C2orf76: variants seen among roughly 807,000 people sequenced by gnomAD.
C2orf76 encodes UPF0538 protein C2orf76.
C2orf76 carries 23 observed loss-of-function variants against 16.9 expected under a neutral mutation model. The ratio of observed to expected loss-of-function variants is 1.36; its 90% CI spans 0.98 to 1.93. The LOEUF (loss-of-function observed/expected upper bound fraction) is 1.93. Ranked by LOEUF, C2orf76 falls within the 30% of genes most tolerant of loss-of-function variation. C2orf76 has a pLI of 0.00. For synonymous variants in C2orf76, 48 were observed against 52.3 expected (o/e 0.92, Z 0.35); for missense variants, 152 against 152.6 (o/e 1.00, Z 0.02).
chr2:119,331,624 A>G (rs74387423), intron 2 of C2orf76, among the ~76,000 whole-genome samples: 3,078 of 152,252 alleles, frequency 0.02, 51 homozygotes, highest in Non-Finnish European at 0.03. Flanking sequence ...TCCTAAACTC[A>G]TGGAACCCAC....
intron 2 of C2orf76, among the ~76,000 whole-genome samples, chr2:119,334,692 G>A (rs1266133772): frequency 3.9e-5 from 5 of 129,648 alleles, no homozygotes; most frequent in Non-Finnish European, 5.1e-5. Context: ...CTCTCTCTCA[G>A]AAAAAAACAA....
At chr2:119,312,892 G>A (rs997311423) in intron 4 of C2orf76, among the ~76,000 whole-genome samples, 1 of 152,130 alleles carries the variant, frequency 6.6e-6, no homozygotes, top group African/African-American at 2.4e-5. Context: ...GCCGGGAGCG[G>A]TGGCAGGTGC....
At chr2:119,361,813 G>A (rs915470600) in intron 1 of C2orf76, among the ~76,000 whole-genome samples, 1 of 151,936 alleles carries the variant, frequency 6.6e-6, no homozygotes, top group Non-Finnish European at 1.5e-5. Context: ...ATAACCGCAC[G>A]TCAATCTATA....
intron 1 of C2orf76, among the ~76,000 whole-genome samples, chr2:119,353,555 TC>T (rs147190037): frequency 1.4e-5 from 2 of 138,186 alleles, no homozygotes; most frequent in African/African-American, 5.8e-5. Flanking sequence ...ACAAGAATTT[TC>T]TTTTTTTTTT....
At chr2:119,360,280 C>T (rs1573693758) in intron 1 of C2orf76, among the ~76,000 whole-genome samples, 1 of 152,062 alleles carries the variant, frequency 6.6e-6, no homozygotes, top group African/African-American at 2.4e-5. Flanking sequence ...AGGAGTTTGA[C>T]CAGCCTGGCC....
At chr2:119,324,511 A>G (rs923922619) in intron 2 of C2orf76, among the ~76,000 whole-genome samples, 14 of 152,322 alleles carry the variant, frequency 9.2e-5, no homozygotes, top group Non-Finnish European at 1.8e-4. Flanking sequence ...AATTATCACA[A>G]ACTGCTTCCA....
At chr2:119,339,778 C>T (rs1393837178) in intron 2 of C2orf76, 49 bp downstream of exon 2, 1 of 1,507,224 alleles carries the variant, frequency 6.6e-7, no homozygotes, top group African/African-American at 1.4e-5. Flanking sequence ...TCATAGTCAG[C>T]TATTTTTAAA....
intron 1 of C2orf76, among the ~76,000 whole-genome samples, chr2:119,341,620 T>C (rs1376485085): frequency 2.6e-5 from 4 of 152,248 alleles, no homozygotes; most frequent in Non-Finnish European, 5.9e-5. Context: ...AAAACGCATT[T>C]GTTTTAAAGA....
intron 1 of C2orf76, among the ~76,000 whole-genome samples, chr2:119,341,598 T>C (rs1680031314): frequency 6.6e-6 from 1 of 152,206 alleles, no homozygotes; most frequent in South Asian, 2.1e-4. Flanking sequence ...ACATTCACTT[T>C]CTGAAGTATC....
intron 1 of C2orf76, among the ~76,000 whole-genome samples, chr2:119,346,490 T>C (rs2104619165): frequency 6.6e-6 from 1 of 152,234 alleles, no homozygotes; most frequent in Non-Finnish European, 1.5e-5. Flanking sequence ...CAGGCAACAA[T>C]CAGGGTGAAT....
intron 4 of C2orf76, among the ~76,000 whole-genome samples, chr2:119,312,997 C>T (rs113593782): frequency 3.3e-4 from 50 of 149,784 alleles, no homozygotes; most frequent in African/African-American, 1.1e-3. Flanking sequence ...TACTGCGCTC[C>T]AGCCTGGGCG....
downstream of C2orf76, among the ~76,000 whole-genome samples, chr2:119,301,918 T>TAA (rs34452099): frequency 0.19 from 26,668 of 138,572 alleles, 2,667 homozygotes; most frequent in Middle Eastern, 0.31. Flanking sequence ...TGCAATACTT[T>TAA]AAAAAAAAAA....
intron 1 of C2orf76, among the ~76,000 whole-genome samples, chr2:119,352,459 T>A (rs1010532256): frequency 6.6e-6 from 1 of 152,224 alleles, no homozygotes; most frequent in Non-Finnish European, 1.5e-5. Context: ...TGCAAGTGTA[T>A]TCTTGGAATA....
chr2:119,303,910 T>C (rs1558773661), intron 5 of C2orf76, among the ~76,000 whole-genome samples: 1 of 151,480 alleles, frequency 6.6e-6, no homozygotes, highest in East Asian at 1.9e-4. Context: ...ACAGAGAAAC[T>C]GGAGATCAAT....
At position 119,349,518 on chromosome 2, in the gene C2orf76, C is replaced by T. The variant is rs117627199; in HGVS notation, c.-12-9547G>A. ...GTCCCGCTGCCTCTTCAGTGGTATACGTCAACATCAAAATCTGCTTTTAAC... is the reference window on the plus strand; with the variant it reads ...GTCCCGCTGCCTCTTCAGTGGTATATGTCAACATCAAAATCTGCTTTTAAC... On this transcript the variant is annotated intron_variant, in intron 1 of 5. Transcript: ENST00000334816. Among the ~76,000 whole-genome samples the T allele has an allele frequency of 3.9e-5, 6 of 152,304 alleles. No homozygotes were observed. The East Asian group carries it at 7.7e-4, about 20-fold the overall frequency.
intron 2 of C2orf76, among the ~76,000 whole-genome samples, chr2:119,336,526 A>C (rs1679851862): frequency 6.6e-6 from 1 of 151,942 alleles, no homozygotes; most frequent in Non-Finnish European, 1.5e-5. Context: ...TGTGATTCTC[A>C]ATGGGGAATG....
At chr2:119,344,713 A>C (rs1423741200) in intron 1 of C2orf76, among the ~76,000 whole-genome samples, 3 of 152,210 alleles carry the variant, frequency 2.0e-5, no homozygotes, top group Admixed American at 6.5e-5. Flanking sequence ...AGCAACTGTT[A>C]CATAGGAAAA....
the C2orf76 span, among the ~76,000 whole-genome samples, chr2:119,294,794 A>G: frequency 0.035 from 5,346 of 152,250 alleles, 290 homozygotes; most frequent in African/African-American, 0.12. Flanking sequence ...CCTCCACCCC[A>G]CCACGCGCAG....
chr2:119,363,761 T>C (rs564184764), intron 1 of C2orf76, among the ~76,000 whole-genome samples: 2 of 152,274 alleles, frequency 1.3e-5, no homozygotes, highest in East Asian at 3.9e-4. Context: ...CACAGTGGCT[T>C]AGGCCTGTAA....
Sources: gnomAD v4.1 joint callset for allele counts (sites outside exome capture counted in the v4.1 genomes callset) on GRCh38, gnomAD v4.1.1 for gene constraint, MANE v1.5 for transcripts, NCBI Gene and HGNC (gene_info 2026-07-23, HGNC 2026-07-21) for gene names.